The following BAZ2B variants were observed in gnomAD, a reference collection of about 807,000 sequenced individuals.
BAZ2B encodes bromodomain adjacent to zinc finger domain 2B.
In BAZ2B, 91 loss-of-function variants were observed where a neutral mutation model predicts 246.0. That is an observed-to-expected ratio of 0.37 (90% CI 0.31 to 0.44). The LOEUF (loss-of-function observed/expected upper bound fraction) is 0.44, where lower values mean the gene tolerates loss of function less well. Among genes scored for constraint, BAZ2B ranks in the 20% least tolerant of loss-of-function variants. The probability of loss-of-function intolerance (pLI) is 1.00; values close to 1 mark genes in which losing one functional copy is unlikely to be tolerated. For synonymous variants in BAZ2B, 855 were observed against 860.0 expected (o/e 0.99, Z 0.10); for missense variants, 2,332 against 2,533.7 (o/e 0.92, Z 1.71).
At chr2:159,357,825 A>G (rs1458161385) in intron 27 of BAZ2B, among the ~76,000 whole-genome samples, 3 of 152,218 alleles carry the variant, frequency 2.0e-5, no homozygotes, top group Non-Finnish European at 4.4e-5. Context: ...ATTCTTAAAG[A>G]AAAGAATTTT....
chr2:159,325,092 T>TA (rs1442950460), intron 35 of BAZ2B, 138 bp from the exon 36 acceptor site: 150 of 2,418 alleles, frequency 0.062, 6 homozygotes, highest in African/African-American at 0.12. Flanking sequence ...TATATATATA[T>TA]TATATATATA....
At chr2:159,523,508 A>G (rs1403517392) in intron 2 of BAZ2B, among the ~76,000 whole-genome samples, 1 of 152,120 alleles carries the variant, frequency 6.6e-6, no homozygotes, top group Non-Finnish European at 1.5e-5. Context: ...GTTCGAGACC[A>G]GCCTGGCCAA....
chr2:159,503,661 C>T (rs1160481455), intron 2 of BAZ2B, among the ~76,000 whole-genome samples: 1 of 151,880 alleles, frequency 6.6e-6, no homozygotes, highest in African/African-American at 2.4e-5. Flanking sequence ...CTCACTGCAA[C>T]CTCCCCCTCC....
chr2:159,515,503 C>T (rs1396970502), intron 2 of BAZ2B, among the ~76,000 whole-genome samples: 6 of 152,054 alleles, frequency 3.9e-5, no homozygotes, highest in Non-Finnish European at 8.8e-5. Flanking sequence ...ATTTATCTGT[C>T]TATTGTTACT....
chr2:159,478,169 T>C (rs1420929308), intron 3 of BAZ2B, among the ~76,000 whole-genome samples: 1 of 152,190 alleles, frequency 6.6e-6, no homozygotes, highest in Non-Finnish European at 1.5e-5. Flanking sequence ...ATCAAGTAAA[T>C]GATCTGCCTT....
intron 2 of BAZ2B, among the ~76,000 whole-genome samples, chr2:159,523,862 A>G (rs546099230): frequency 6.6e-6 from 1 of 152,282 alleles, no homozygotes; most frequent in South Asian, 2.1e-4. Flanking sequence ...AAAAATCCAT[A>G]TTAAGAGACA....
chr2:159,589,953 G>A (rs12468868), intron 1 of BAZ2B, among the ~76,000 whole-genome samples: 46,349 of 151,710 alleles, frequency 0.31, 8,835 homozygotes, highest in Admixed American at 0.43. Context: ...TTGGCAGGCC[G>A]AGGCAGGCAG....
At position 159,549,774 on chromosome 2, in the gene BAZ2B, TAA is replaced by T. The variant is rs201877310; in HGVS notation, c.-3+6047_-3+6048del. Among the ~76,000 whole-genome samples the T allele has an allele frequency of 3.2e-3, 426 of 132,692 alleles. 2 individuals are homozygous for T. Among genetic ancestry groups the T allele is most frequent in the Middle Eastern group, 3.9e-3 (1 of 254 alleles). 87.1% of individuals were successfully genotyped at this position (132,692 alleles called of 152,430 possible). ...GTTCAAATAAAACAAGTGAGATGTT[TAA>T]AAAAAAAAAAAAAAGACATTTTCAC... is the stretch of plus-strand genomic sequence containing the variant. On this transcript the variant is annotated intron_variant, in intron 2 of 36. Coordinates refer to ENST00000392783, the MANE Select transcript of BAZ2B (RefSeq NM_013450.4).
chr2:159,455,770 T>TTTG (rs1420063349), intron 3 of BAZ2B, among the ~76,000 whole-genome samples: 4 of 138,106 alleles, frequency 2.9e-5, no homozygotes, highest in South Asian at 2.2e-4. Flanking sequence ...GTGGTTTTTT[T>TTTG]TTTTTTTTTT....
intron 2 of BAZ2B, among the ~76,000 whole-genome samples, chr2:159,495,918 T>C (rs1172913955): frequency 6.6e-6 from 1 of 151,074 alleles, no homozygotes; most frequent in Non-Finnish European, 1.5e-5. Context: ...CAGGCATGCA[T>C]CATCCCGCCC....
chr2:159,381,704 A>T (rs887526943), intron 25 of BAZ2B, among the ~76,000 whole-genome samples: 6 of 152,150 alleles, frequency 3.9e-5, no homozygotes, highest in African/African-American at 1.4e-4. Context: ...AATGCTGACC[A>T]TGCCATTCTC....
intron 13 of BAZ2B, among the ~76,000 whole-genome samples, chr2:159,424,957 G>A (rs915315159): frequency 1.8e-4 from 28 of 151,986 alleles, no homozygotes; most frequent in Admixed American, 1.8e-3. Flanking sequence ...ATCCGCAAAT[G>A]CAGAAAACAC....
At chr2:159,462,384 A>G (rs1367902080) in intron 3 of BAZ2B, 11 of 1,210,146 alleles carry the variant, frequency 9.1e-6, no homozygotes, top group South Asian at 7.4e-5. Flanking sequence ...AGAATCCTAC[A>G]TTCAGCCTTT....
the BAZ2B span, among the ~76,000 whole-genome samples, chr2:159,642,319 C>A: frequency 1.3e-5 from 2 of 149,052 alleles, no homozygotes. Flanking sequence ...CTCACTGCAA[C>A]CTCTGCCTCC....
intron 13 of BAZ2B, among the ~76,000 whole-genome samples, chr2:159,424,475 C>G (rs1302476385): frequency 6.6e-6 from 1 of 152,066 alleles, no homozygotes; most frequent in East Asian, 1.9e-4. Flanking sequence ...AAAGTATTAT[C>G]TCCTAAATTT....
At position 159,398,800 on chromosome 2, in the gene BAZ2B, TA is replaced by T. The variant is rs770099013; in HGVS notation, c.2964+28del. ...ACATATAGTTTTTATTTTTCAAAAA[TA>T]AAAACTCTGATTCTCATCTAAACTA... On this transcript the variant is annotated intron_variant, in intron 18 of 36. Coordinates refer to ENST00000392783, the MANE Select transcript of BAZ2B (RefSeq NM_013450.4). 8 of 1,587,704 alleles carry T rather than the reference TA, an allele frequency of 5.0e-6. No individual in the cohort carries two copies. In the African/African-American group the frequency reaches 9.5e-5, roughly 19 times the overall value.
chr2:159,509,477 T>C (rs2082680914), intron 2 of BAZ2B, among the ~76,000 whole-genome samples: 1 of 152,180 alleles, frequency 6.6e-6, no homozygotes. Flanking sequence ...TTTTCACACA[T>C]AACACATATG....
the BAZ2B span, among the ~76,000 whole-genome samples, chr2:159,678,229 T>C: frequency 4.3e-4 from 65 of 152,288 alleles, no homozygotes; most frequent in African/African-American, 1.4e-3. Context: ...AAGCACAGGG[T>C]ACAAACTCAT....
At chr2:159,467,404 C>G (rs879379152) in intron 3 of BAZ2B, among the ~76,000 whole-genome samples, 2 of 152,152 alleles carry the variant, frequency 1.3e-5, no homozygotes, top group African/African-American at 4.8e-5. Flanking sequence ...GGTTCTGCCT[C>G]CCTCAGACGG....
Sources: allele counts gnomAD v4.1 joint callset (sites outside exome capture counted in the v4.1 genomes callset), GRCh38; gene constraint gnomAD v4.1.1; transcripts MANE v1.5; gene names NCBI Gene and HGNC (gene_info 2026-07-23, HGNC 2026-07-21).